MVK: variants seen among roughly 807,000 people sequenced by gnomAD.
The protein encoded by MVK is LH receptor mRNA-binding protein.
A neutral mutation model predicts 43.2 loss-of-function variants in MVK; 34 were observed. The observed-to-expected ratio is 0.79, with a 90% confidence interval of 0.60 to 1.05. The LOEUF (loss-of-function observed/expected upper bound fraction) is 1.05. Among genes scored for constraint, MVK ranks in the 50% least tolerant of loss-of-function variants. MVK has a pLI of 0.00. For missense variants in MVK, 395 were observed against 504.0 expected (o/e 0.78, Z 2.07); for synonymous variants, 190 against 219.8 (o/e 0.86, Z 1.20).
Position 109,595,911 on chromosome 12 carries a change from C to T in MVK, c.1040-515C>T, listed in dbSNP as rs1232645078. On this transcript the variant is annotated intron_variant, in intron 10 of 10. Transcript: ENST00000228510. The surrounding 1 kb of genome is among the most constrained non-coding windows in gnomAD (Gnocchi z 5.9). Reference sequence around the variant, plus strand: ...ATCCCCTCACACTCCATGATGGCTCCCAGGCCTCAGGAGGTGGCCACATCC... The same window carrying T: ...ATCCCCTCACACTCCATGATGGCTCTCAGGCCTCAGGAGGTGGCCACATCC... Among the ~76,000 whole-genome samples, 10 of 152,192 alleles carry T rather than the reference C, an allele frequency of 6.6e-5. No individual in the cohort carries two copies. The highest frequency in any genetic ancestry group is 6.5e-4 in the Admixed American group (10 of 15,286).
intron 5 of MVK, among the ~76,000 whole-genome samples, chr12:109,585,098 C>T (rs1324500364): frequency 6.6e-6 from 1 of 152,168 alleles, no homozygotes; most frequent in Non-Finnish European, 1.5e-5. Context: ...TTCATTTAAA[C>T]TGTTTGTGAG....
In MVK at chr12:109,586,857, C is replaced by T. The variant is rs1444253290; in HGVS notation, c.677+58C>T. 1.9e-6 allele frequency: 3 copies of T among 1,597,006 alleles called. No individual in the cohort carries two copies. The East Asian group carries it at 6.7e-5, about 36-fold the overall frequency. On this transcript the variant is annotated intron_variant, in intron 7 of 10. Coordinates refer to ENST00000228510, the MANE Select transcript of MVK (RefSeq NM_000431.4). ...TGGCTGCATTGATGTGTGCAGGGGG[C>T]AGAGCTCTGCACCTTTGGGAAGTAC...
At chr12:109,587,029 T>A in intron 7 of MVK, 1 of 568,058 alleles carries the variant, frequency 1.8e-6, no homozygotes, top group East Asian at 3.0e-5. Context: ...AAAGGGAAAG[T>A]CATGCATGGC....
Position 109,576,072 on chromosome 12 carries a change from C to T in MVK, c.153C>T (p.Leu51=), listed in dbSNP as rs1207622143. ...LQPHSNGKVD[L]SLPNIGIKRA... ...CCCACAGCAATGGGAAAGTGGACCT[C>T]AGCTTACCCAACATTGGTATCAAGC... is the stretch of plus-strand genomic sequence containing the variant. The change falls in exon 3 of 11, where the codon CTC becomes CTT. Residue 51 remains leucine (L), a synonymous_variant. Transcript: ENST00000228510. The T allele has an allele frequency of 1.9e-6, 3 of 1,614,190 alleles. No individual in the cohort carries two copies. The highest frequency in any genetic ancestry group is 1.3e-5 in the African/African-American group (1 of 75,058).
chr12:109,589,679 C>T (rs1885588081), intron 7 of MVK: 2 of 152,152 alleles, frequency 1.3e-5, no homozygotes, highest in South Asian at 2.1e-4. Flanking sequence ...TCTGGCAGCC[C>T]TTTCCAGCCC....
rs2136227153 is a variant in MVK at position 109,581,443 on chromosome 12, G to A, written c.420G>A (p.Gly140=). The change falls in exon 5 of 11, where the codon GGG becomes GGA. Residue 140 remains glycine, a synonymous_variant. Transcript: ENST00000228510. The part of the protein sequence containing the change: ...DIVVWSELPP[G]AGLGSSAAYS... ...TAGTGTGGTCGGAGCTGCCCCCCGG[G>A]GCGGGCTTGGGCTCCAGCGCCGCCT... The A allele has an allele frequency of 2.5e-6, 4 of 1,614,158 alleles. No individual in the cohort carries two copies. The highest frequency in any genetic ancestry group is 3.4e-6 in the Non-Finnish European group (4 of 1,180,030).
chr12:109,591,304 G>T lies in MVK; in HGVS notation c.832G>T (p.Val278Leu), dbSNP rs574045811. The T allele has an allele frequency of 1.2e-6, 2 of 1,614,190 alleles. No homozygotes were observed. Among genetic ancestry groups the T allele is most frequent in the South Asian group, 2.2e-5 (2 of 91,082 alleles). The change falls in exon 9 of 11, where the codon GTG becomes TTG. Residue 278 changes from valine (V) to leucine (L), a missense_variant. By Grantham distance (32) the Val-to-Leu change is conservative. Transcript: ENST00000228510. ...TGCCATCTCCCTGGAGTGTGAGCGC[G>T]TGCTGGGAGAGATGGGGGAAGCCCC... ...IDAISLECER[V>L]LGEMGEAPAP...
chr12:109,575,165 A>G lies in MVK; in HGVS notation c.78+265A>G, dbSNP rs79362696. ...AGGAGTGAGCTTTGATGCAGAAGGA[A>G]AGAGGTTTGAGAACTGAGCTCCGGG... On this transcript the variant is annotated intron_variant, in intron 2 of 10. Coordinates refer to ENST00000228510, the MANE Select transcript of MVK (RefSeq NM_000431.4). 0.015 allele frequency among the ~76,000 whole-genome samples: 2,247 copies of G among 152,258 alleles called. 51 individuals are homozygous for G. The highest frequency in any genetic ancestry group is 0.047 in the African/African-American group (1,941 of 41,552).
chr12:109,594,073 A>G (rs1885806785), intron 9 of MVK, among the ~76,000 whole-genome samples: 1 of 151,934 alleles, frequency 6.6e-6, no homozygotes, highest in Admixed American at 6.6e-5. Context: ...CCAGTGCAGA[A>G]GACCTTGCTC....
chr12:109,585,693 C>A (rs1057336490), intron 5 of MVK, among the ~76,000 whole-genome samples: 1 of 151,798 alleles, frequency 6.6e-6, no homozygotes, highest in South Asian at 2.1e-4. Context: ...TGCTTGAACC[C>A]GGGAGAAAGT....
At chr12:109,578,764 AAC>A (rs1555277177) in intron 3 of MVK, among the ~76,000 whole-genome samples, 6 of 152,202 alleles carry the variant, frequency 3.9e-5, no homozygotes, top group Non-Finnish European at 5.9e-5. Flanking sequence ...GAAGTTTCCT[AAC>A]ACACGCATGC....
rs1256639438 is a variant in MVK at position 109,595,398 on chromosome 12, A to G, written c.1039+217A>G. On this transcript the variant is annotated intron_variant, in intron 10 of 10. Coordinates refer to ENST00000228510, the MANE Select transcript of MVK (RefSeq NM_000431.4). The surrounding 1 kb of genome is among the most constrained non-coding windows in gnomAD (Gnocchi z 5.9). ...AGATCGTTGCCCAGATTCAAGCAGG[A>G]AAGTGCACCTAGAGAGCCTGGTGCA... Among the ~76,000 whole-genome samples, 1 of 152,120 alleles carries G rather than the reference A, an allele frequency of 6.6e-6. No individual in the cohort carries two copies. Among genetic ancestry groups the G allele is most frequent in the Non-Finnish European group, 1.5e-5 (1 of 68,008 alleles).
chr12:109,574,943 C>G (rs369162780), intron 2 of MVK, 43 bp downstream of exon 2: 2 of 1,557,830 alleles, frequency 1.3e-6, no homozygotes, highest in African/African-American at 2.7e-5. Context: ...TACCCCTTCT[C>G]CCTGATGCTA....
intron 2 of MVK, among the ~76,000 whole-genome samples, chr12:109,575,594 A>T (rs2136218071): frequency 6.6e-6 from 1 of 152,198 alleles, no homozygotes; most frequent in South Asian, 2.1e-4. Flanking sequence ...GTGGTCTGAC[A>T]CTACGCTGGT....
chr12:109,576,700 G>A (rs938449838), intron 3 of MVK, among the ~76,000 whole-genome samples: 5 of 151,980 alleles, frequency 3.3e-5, no homozygotes, highest in African/African-American at 1.2e-4. Flanking sequence ...TCGAAACCAT[G>A]TCTCTACTAA....
At chr12:109,575,364 C>G (rs1884896162) in intron 2 of MVK, among the ~76,000 whole-genome samples, 1 of 151,986 alleles carries the variant, frequency 6.6e-6, no homozygotes, top group Admixed American at 6.5e-5. Flanking sequence ...GTCCTATATA[C>G]CTTGGTAGAG....
intron 9 of MVK, among the ~76,000 whole-genome samples, chr12:109,593,716 A>ATTTTTTTTTTTTTTTTTTTTTTT (rs33948292): frequency 9.1e-6 from 1 of 110,406 alleles, no homozygotes. Context: ...AAAGAAGCAG[A>ATTTTTTTTTTTTTTTTTTTTTTT]TTTTTTTTTT....
intron 5 of MVK, 143 bp from the exon 6 acceptor site, chr12:109,585,879 G>C: frequency 1.4e-6 from 1 of 716,316 alleles, no homozygotes; most frequent in Non-Finnish European, 2.5e-6. Context: ...TCCGTAGCTG[G>C]AGAGGTTCAG....
At chr12:109,585,837 G>A (rs1232202070) in intron 5 of MVK, among the ~76,000 whole-genome samples, 185 bp from the exon 6 acceptor site, 1 of 152,240 alleles carries the variant, frequency 6.6e-6, no homozygotes, top group Non-Finnish European at 1.5e-5. Flanking sequence ...CGCCAGGTGG[G>A]CTTCAGAGGG....
Sources: allele counts gnomAD v4.1 joint callset (sites outside exome capture counted in the v4.1 genomes callset), GRCh38; gene constraint gnomAD v4.1.1; non-coding constraint Gnocchi (gnomAD v3.1); transcripts MANE v1.5; gene names NCBI Gene and HGNC (gene_info 2026-07-23, HGNC 2026-07-21).